The following WDR89 variants were observed in gnomAD, a reference collection of about 807,000 sequenced individuals.
WDR89 encodes the protein WD repeat-containing protein 89.
WDR89 carries 17 observed loss-of-function variants against 29.1 expected under a neutral mutation model. The observed-to-expected ratio is 0.58, with a 90% confidence interval of 0.40 to 0.88. The LOEUF (loss-of-function observed/expected upper bound fraction) is 0.88. WDR89 is among the 40% of genes least tolerant of loss of function. WDR89 has a pLI of 0.00. For missense variants in WDR89, 396 were observed against 456.3 expected (o/e 0.87, Z 1.20); for synonymous variants, 138 against 157.8 (o/e 0.87, Z 0.94).
At position 63,598,660 on chromosome 14, in the gene WDR89, G is replaced by T; in HGVS notation, c.*119C>A. 1 of 896,308 alleles carries T rather than the reference G, an allele frequency of 1.1e-6. No homozygotes were observed. Among genetic ancestry groups the T allele is most frequent in the Non-Finnish European group, 1.6e-6 (1 of 640,156 alleles). The allele number at this position is 896,308 out of a possible 1,614,324, so 55.5% of individuals were successfully genotyped here. The stretch of plus-strand genomic sequence containing the variant: ...AAACCATTCTCACCATATTTTTCCA[G>T]GACTGTTTGCTAACTGGCTTGTTTT... On this transcript the variant is annotated 3_prime_UTR_variant, in exon 3 of 3. Coordinates refer to ENST00000620954, the MANE Select transcript of WDR89 (RefSeq NM_080666.4).
In WDR89 at chr14:63,597,092, G is replaced by A. The variant is rs958797019; in HGVS notation, c.*1687C>T. ...CTGAAGAGTTCAGCATGGCCAGGGA[G>A]GCCTCAAGAAACTTACAATCATGGG... On this transcript the variant is annotated 3_prime_UTR_variant, in exon 3 of 3. Transcript: ENST00000620954. 1 of 152,194 alleles carries A rather than the reference G, an allele frequency of 6.6e-6. No individual in the cohort carries two copies. Among genetic ancestry groups the A allele is most frequent in the Non-Finnish European group, 1.5e-5 (1 of 68,048 alleles). 9.4% of individuals were successfully genotyped at this position (152,194 alleles called of 1,614,324 possible).
intron 2 of WDR89, among the ~76,000 whole-genome samples, chr14:63,609,848 AAT>A (rs1263905825): frequency 6.6e-6 from 1 of 152,126 alleles, no homozygotes; most frequent in African/African-American, 2.4e-5. Flanking sequence ...TATGAACTTC[AAT>A]ATGTTTCAAA....
In WDR89 at chr14:63,599,307, G is replaced by T. The variant is rs1341809865; in HGVS notation, c.636C>A (p.Thr212=). ...AGCTTACTGATGAAATTGAGTTACA[G>T]GTTGTAACCAGTGCATCCTCCTCAT... is the stretch of plus-strand genomic sequence containing the variant. ...IDNEEDALVT[T]CNSISSVSCI... is the part of the protein sequence containing the mutation. The change falls in exon 3 of 3, where the codon ACC becomes ACA. Residue 212 remains threonine, a synonymous_variant. Transcript: ENST00000620954. 6.2e-7 allele frequency: 1 copy of T among 1,613,864 alleles called. No individual in the cohort carries two copies. The highest frequency in any genetic ancestry group is 8.5e-7 in the Non-Finnish European group (1 of 1,180,026).
At chr14:63,621,780 G>A (rs1882709162) in intron 2 of WDR89, 1 of 152,244 alleles carries the variant, frequency 6.6e-6, no homozygotes, top group African/African-American at 2.4e-5. Flanking sequence ...AAGGCAGTGA[G>A]TTATCCCAAC....
At chr14:63,637,667 A>G (rs946028436) in intron 1 of WDR89, among the ~76,000 whole-genome samples, 2 of 152,166 alleles carry the variant, frequency 1.3e-5, no homozygotes, top group African/African-American at 4.8e-5. Flanking sequence ...CCTGGATGAG[A>G]CTGGAGACTA....
intron 2 of WDR89, among the ~76,000 whole-genome samples, chr14:63,611,131 G>A (rs896373702): frequency 6.6e-6 from 1 of 151,556 alleles, no homozygotes; most frequent in African/African-American, 2.4e-5. Context: ...GAGGCCAAGA[G>A]TTTGAGACCA....
Position 63,634,744 on chromosome 14 carries a change from C to T in WDR89, c.-138+7060G>A, listed in dbSNP as rs1255727. Among the ~76,000 whole-genome samples the T allele has an allele frequency of 1.7e-3, 258 of 152,084 alleles. 1 individual carries two copies. Among genetic ancestry groups the T allele is most frequent in the African/African-American group, 5.9e-3 (246 of 41,478 alleles). On this transcript the variant is annotated intron_variant, in intron 1 of 2. Coordinates refer to ENST00000620954, the MANE Select transcript of WDR89 (RefSeq NM_080666.4). ...ATTAGCCAGGCATGGTGGCACATGC[C>T]TATAATCCCAGCTACTTGGGAAGGC...
At chr14:63,610,538 C>G (rs955065760) in intron 2 of WDR89, among the ~76,000 whole-genome samples, 2 of 151,992 alleles carry the variant, frequency 1.3e-5, no homozygotes, top group African/African-American at 4.8e-5. Flanking sequence ...ACCAACTGAT[C>G]AAGGGTAACA....
chr14:63,606,348 G>T (rs886800202), intron 2 of WDR89, among the ~76,000 whole-genome samples: 2 of 152,132 alleles, frequency 1.3e-5, no homozygotes, highest in African/African-American at 4.8e-5. Context: ...GATATATGAA[G>T]AAAATATTTT....
intron 2 of WDR89, among the ~76,000 whole-genome samples, chr14:63,613,165 C>G (rs1882093129): frequency 6.6e-6 from 1 of 152,160 alleles, no homozygotes; most frequent in African/African-American, 2.4e-5. Flanking sequence ...GGAGTCGCAG[C>G]CTACCAATCA....
rs1163867326 is a variant in WDR89, at chr14:63,597,689, ATATTT to A, written c.*1085_*1089del. ...TTTATTCACTAGATAGCACTGTCTT[ATATTT>A]TAAAGATTCTGAAAAACACAATTTT... On this transcript the variant is annotated 3_prime_UTR_variant, in exon 3 of 3. Coordinates refer to ENST00000620954, the MANE Select transcript of WDR89 (RefSeq NM_080666.4). 2 of 152,208 alleles carry A rather than the reference ATATTT, an allele frequency of 1.3e-5. No homozygotes were observed. Among genetic ancestry groups the A allele is most frequent in the Non-Finnish European group, 2.9e-5 (2 of 68,046 alleles). The allele number at this position is 152,208 out of a possible 1,614,324, so 9.4% of individuals were successfully genotyped here.
intron 2 of WDR89, among the ~76,000 whole-genome samples, chr14:63,607,011 C>T (rs1253153625): frequency 6.6e-6 from 1 of 152,016 alleles, no homozygotes; most frequent in Non-Finnish European, 1.5e-5. Flanking sequence ...AGGGATATGC[C>T]CATGAGGCTT....
At chr14:63,610,702 CTTT>C (rs1009799974) in intron 2 of WDR89, among the ~76,000 whole-genome samples, 4 of 129,134 alleles carry the variant, frequency 3.1e-5, no homozygotes, top group Non-Finnish European at 3.3e-5. Context: ...CTTTTCTTTT[CTTT>C]TTTTTTTTTT....
intron 2 of WDR89, among the ~76,000 whole-genome samples, chr14:63,618,868 T>A (rs1882489565): frequency 6.6e-6 from 1 of 152,186 alleles, no homozygotes; most frequent in South Asian, 2.1e-4. Context: ...GGCATCAGAC[T>A]TCTCAATAGC....
At chr14:63,601,579 CTG>C (rs1212071076) in intron 2 of WDR89, 7 of 1,608,836 alleles carry the variant, frequency 4.4e-6, no homozygotes, top group Middle Eastern at 1.6e-4. Context: ...GCTGTTGAAA[CTG>C]TAACCAAAGG....
chr14:63,631,236 C>A (rs1026554020), intron 1 of WDR89, among the ~76,000 whole-genome samples: 1 of 152,038 alleles, frequency 6.6e-6, no homozygotes, highest in Non-Finnish European at 1.5e-5. Context: ...TATGTGTCAA[C>A]TAAAAATCAA....
At chr14:63,617,029 A>T (rs1882356075) in intron 2 of WDR89, among the ~76,000 whole-genome samples, 1 of 151,020 alleles carries the variant, frequency 6.6e-6, no homozygotes, top group Admixed American at 6.6e-5. Flanking sequence ...TGGCTTAAGC[A>T]GCAAGGTAAA....
rs142856474 is a variant in WDR89, at chr14:63,606,785, C to G, written c.-31-6812G>C. Among the ~76,000 whole-genome samples the G allele has an allele frequency of 1.1e-3, 171 of 152,318 alleles. 1 individual carries two copies. Among genetic ancestry groups the G allele is most frequent in the African/African-American group, 3.9e-3 (161 of 41,572 alleles). ...GTTTTTAAATCCTCATCATTTAACC[C>G]TATGAGGCAGATATTATTATCACTA... On this transcript the variant is annotated intron_variant, in intron 2 of 2. Transcript: ENST00000620954.
At chr14:63,621,230 T>C (rs1045583856) in intron 2 of WDR89, among the ~76,000 whole-genome samples, 3 of 152,148 alleles carry the variant, frequency 2.0e-5, no homozygotes, top group Admixed American at 1.3e-4. Context: ...AAAAAACTTA[T>C]ACATAAATTT....
Sources: gnomAD v4.1 joint callset for allele counts (sites outside exome capture counted in the v4.1 genomes callset) on GRCh38, gnomAD v4.1.1 for gene constraint, MANE v1.5 for transcripts, NCBI Gene and HGNC (gene_info 2026-07-23, HGNC 2026-07-21) for gene names.